PRKG1: variants seen among roughly 807,000 people sequenced by gnomAD.
PRKG1 encodes the protein protein kinase cGMP-dependent 1, also known as cGMP-dependent protein kinase 1.
A neutral mutation model predicts 88.1 loss-of-function variants in PRKG1; 35 were observed. That is an observed-to-expected ratio of 0.40 (90% CI 0.30 to 0.53). The LOEUF (loss-of-function observed/expected upper bound fraction) is 0.53, where lower values mean the gene tolerates loss of function less well. Among genes scored for constraint, PRKG1 ranks in the 20% least tolerant of loss-of-function variants. The pLI is 0.59. For missense variants in PRKG1, 540 were observed against 839.8 expected (o/e 0.64, Z 4.41); for synonymous variants, 303 against 292.5 (o/e 1.04, Z -0.37).
chr10:51,261,388 T>C (rs142009750), intron 2 of PRKG1, among the ~76,000 whole-genome samples: 1 of 152,226 alleles, frequency 6.6e-6, no homozygotes, highest in Non-Finnish European at 1.5e-5. Flanking sequence ...AAAAAAGTAC[T>C]CATCACATCC....
chr10:51,559,298 A>G (rs893967480), intron 3 of PRKG1, among the ~76,000 whole-genome samples: 9 of 152,114 alleles, frequency 5.9e-5, no homozygotes, highest in African/African-American at 2.2e-4. Flanking sequence ...GACGGGACAG[A>G]AAAACAAGCA....
chr10:52,172,881 C>G (rs1435805641), intron 9 of PRKG1, among the ~76,000 whole-genome samples: 1 of 152,190 alleles, frequency 6.6e-6, no homozygotes, highest in Non-Finnish European at 1.5e-5. Flanking sequence ...CAGCCACTAA[C>G]TTCATGTGAA....
chr10:51,628,407 C>G (rs1839429020), intron 3 of PRKG1, among the ~76,000 whole-genome samples: 2 of 151,524 alleles, frequency 1.3e-5, no homozygotes, highest in Admixed American at 1.3e-4. Context: ...AAGAATTCCA[C>G]CCGCCTCGCC....
chr10:52,277,965 C>T (rs1305421195), intron 12 of PRKG1, among the ~76,000 whole-genome samples: 1 of 152,112 alleles, frequency 6.6e-6, no homozygotes, highest in East Asian at 1.9e-4. Context: ...CATTTGTAAG[C>T]TTTCAAAAAG....
At chr10:51,001,029 T>C (rs377755277) in intron 1 of PRKG1, among the ~76,000 whole-genome samples, 167 of 152,340 alleles carry the variant, frequency 1.1e-3, no homozygotes, top group African/African-American at 3.8e-3. Flanking sequence ...TTTCATGAAA[T>C]ATATTCTTGC....
chr10:51,567,185 T>C (rs897941208), intron 3 of PRKG1, among the ~76,000 whole-genome samples: 39 of 152,074 alleles, frequency 2.6e-4, no homozygotes, highest in African/African-American at 9.2e-4. Flanking sequence ...TCTGTTTATT[T>C]TTTGAATATA....
At chr10:51,942,059 G>C (rs868044882) in intron 5 of PRKG1, among the ~76,000 whole-genome samples, 4 of 152,016 alleles carry the variant, frequency 2.6e-5, no homozygotes, top group African/African-American at 4.8e-5. Flanking sequence ...CTAGTTTACA[G>C]TCCCACCAAC....
At chr10:51,564,520 T>G (rs551324110) in intron 3 of PRKG1, among the ~76,000 whole-genome samples, 1 of 152,084 alleles carries the variant, frequency 6.6e-6, no homozygotes, top group Admixed American at 6.6e-5. Context: ...AGGAAGCGTG[T>G]GTAAAGGCCC....
intron 3 of PRKG1, among the ~76,000 whole-genome samples, chr10:51,586,542 C>T (rs1838178304): frequency 6.6e-6 from 1 of 152,100 alleles, no homozygotes; most frequent in South Asian, 2.1e-4. Flanking sequence ...GTTCTCCCTT[C>T]ACATTTATTA....
chr10:52,112,472 T>C (rs189781359), intron 7 of PRKG1, among the ~76,000 whole-genome samples: 167 of 152,304 alleles, frequency 1.1e-3, no homozygotes, highest in African/African-American at 3.3e-3. Context: ...AGGTATTTCA[T>C]GGACCCAAGG....
chr10:51,670,325 T>C (rs1840525462), intron 3 of PRKG1, among the ~76,000 whole-genome samples: 1 of 152,078 alleles, frequency 6.6e-6, no homozygotes, highest in Admixed American at 6.5e-5. Flanking sequence ...TTCAGCTTTA[T>C]ATTGACCTTG....
intron 2 of PRKG1, among the ~76,000 whole-genome samples, chr10:51,169,027 T>A (rs1462903986): frequency 6.6e-6 from 1 of 152,162 alleles, no homozygotes; most frequent in Non-Finnish European, 1.5e-5. Flanking sequence ...AACATTGAAA[T>A]TTTATTTTTT....
chr10:51,483,692 T>C (rs1434012921), intron 3 of PRKG1, among the ~76,000 whole-genome samples: 1 of 152,222 alleles, frequency 6.6e-6, no homozygotes, highest in African/African-American at 2.4e-5. Context: ...GTTGACTTCT[T>C]AGAAGCTAAA....
chr10:51,300,731 C>T (rs1225683698), intron 2 of PRKG1, among the ~76,000 whole-genome samples: 1 of 152,184 alleles, frequency 6.6e-6, no homozygotes, highest in Admixed American at 6.5e-5. Flanking sequence ...TAGTCAATTA[C>T]ACACTGAACC....
chr10:52,279,198 C>T (rs758737383), intron 12 of PRKG1, among the ~76,000 whole-genome samples: 21 of 152,146 alleles, frequency 1.4e-4, no homozygotes, highest in Non-Finnish European at 1.5e-5. Context: ...TTTGGAACTA[C>T]ATACAATTAT....
At position 51,061,930 on chromosome 10, in the gene PRKG1, A is replaced by G. The variant is rs562886680; in HGVS notation, c.266+70286A>G. Reference sequence around the variant, plus strand: ...GATAATTCCAATATCACAATCTCCCATGGGTCTCCTTCTGTTGCATGGCTT... The same window carrying G: ...GATAATTCCAATATCACAATCTCCCGTGGGTCTCCTTCTGTTGCATGGCTT... On this transcript the variant is annotated intron_variant, in intron 1 of 17. Transcript: ENST00000401604. Among the ~76,000 whole-genome samples the G allele has an allele frequency of 2.0e-5, 3 of 152,280 alleles. No homozygotes were observed. In the East Asian group the frequency reaches 5.8e-4, roughly 29 times the overall value.
At chr10:51,666,443 T>C (rs994738103) in intron 3 of PRKG1, among the ~76,000 whole-genome samples, 1 of 152,204 alleles carries the variant, frequency 6.6e-6, no homozygotes, top group Non-Finnish European at 1.5e-5. Flanking sequence ...TAAAAGTGAG[T>C]GAATCCTTGT....
chr10:51,470,412 T>C (rs1238536903), intron 3 of PRKG1, among the ~76,000 whole-genome samples: 2 of 151,746 alleles, frequency 1.3e-5, no homozygotes, highest in African/African-American at 2.4e-5. Flanking sequence ...CCATGCTTCT[T>C]CTTTCTTACA....
At chr10:51,516,225 C>G (rs1265021426) in intron 3 of PRKG1, among the ~76,000 whole-genome samples, 1 of 152,070 alleles carries the variant, frequency 6.6e-6, no homozygotes. Context: ...AGGTCGCTCT[C>G]CCCTGAAGTC....
Sources: allele counts gnomAD v4.1 joint callset (sites outside exome capture counted in the v4.1 genomes callset), GRCh38; gene constraint gnomAD v4.1.1; transcripts MANE v1.5; gene names NCBI Gene and HGNC (gene_info 2026-07-23, HGNC 2026-07-21).